NOVA2: variants seen among roughly 807,000 people sequenced by gnomAD.
NOVA2 encodes RNA-binding protein Nova-2.
In NOVA2, 9 loss-of-function variants were observed where a neutral mutation model predicts 22.5. The observed-to-expected ratio is 0.40, with a 90% confidence interval of 0.24 to 0.70. The LOEUF is 0.70. NOVA2 is among the 30% of genes least tolerant of loss of function. The pLI, the probability that NOVA2 is intolerant of heterozygous loss-of-function variation, is 0.38. For synonymous variants in NOVA2, 318 were observed against 335.2 expected (o/e 0.95, Z 0.56); for missense variants, 383 against 682.8 (o/e 0.56, Z 4.89).
At chr19:45,971,612 C>G (rs556134740) in intron 1 of NOVA2, among the ~76,000 whole-genome samples, 16 of 152,134 alleles carry the variant, frequency 1.1e-4, no homozygotes, top group Admixed American at 2.0e-4. Flanking sequence ...AGAAAGTCGG[C>G]TTGTATTCAT....
At chr19:45,965,159 G>A (rs1038985110) in intron 1 of NOVA2, among the ~76,000 whole-genome samples, 1 of 152,046 alleles carries the variant, frequency 6.6e-6, no homozygotes, top group African/African-American at 2.4e-5. Context: ...TCACAGATAA[G>A]GGGTCCTTTA....
intron 1 of NOVA2, among the ~76,000 whole-genome samples, chr19:45,966,044 T>C (rs1968163563): frequency 6.7e-6 from 1 of 150,164 alleles, no homozygotes; most frequent in Non-Finnish European, 1.5e-5. Flanking sequence ...GGGGTTGGGT[T>C]GAGAGGTAGG....
chr19:45,934,330 G>T lies in NOVA2; in HGVS notation c.*5533C>A. 1 of 152,352 alleles carries T rather than the reference G, an allele frequency of 6.6e-6. No individual in the cohort carries two copies. Among genetic ancestry groups the T allele is most frequent in the East Asian group, 1.9e-4 (1 of 5,178 alleles). 9.4% of individuals were successfully genotyped at this position (152,352 alleles called of 1,614,324 possible). On this transcript the variant is annotated 3_prime_UTR_variant, in exon 4 of 4. Coordinates refer to ENST00000263257, the MANE Select transcript of NOVA2 (RefSeq NM_002516.4). ...TCCAACAGAGAAAGGGGGAAGAGAGGTTCTAGCTCCTCTGACTCCACCATT... is the reference window on the plus strand; with the variant it reads ...TCCAACAGAGAAAGGGGGAAGAGAGTTTCTAGCTCCTCTGACTCCACCATT...
rs750236958 is a variant in NOVA2 at position 45,940,604 on chromosome 19, G to C, written c.738C>G (p.Ala246=). 3.5e-6 allele frequency: 5 copies of C among 1,420,928 alleles called. No individual in the cohort carries two copies. Among genetic ancestry groups the C allele is most frequent in the Non-Finnish European group, 3.6e-6 (4 of 1,100,122 alleles). 88.0% of individuals were successfully genotyped at this position (1,420,928 alleles called of 1,614,324 possible). A position where few individuals can be genotyped will look rare whatever the true frequency, so the allele number is the denominator to read the frequency against. The change falls in exon 4 of 4, where the codon GCC becomes GCG. Residue 246 remains alanine, a synonymous_variant. Coordinates refer to ENST00000263257, the MANE Select transcript of NOVA2 (RefSeq NM_002516.4). ...DVLPAAAAAS[A]AAASGLLGPA... is the part of the protein sequence containing the mutation. ...GGCCCAGCAGGCCGGAGGCGGCGGC[G>C]GCCGACGCTGCGGCCGCGGCTGGCA...
At chr19:45,958,996 T>C (rs1968055540) in intron 2 of NOVA2, among the ~76,000 whole-genome samples, 1 of 152,200 alleles carries the variant, frequency 6.6e-6, no homozygotes, top group African/African-American at 2.4e-5. Flanking sequence ...TCTGCTTCCC[T>C]GACTGGGATG....
At chr19:45,969,509 G>GA (rs397946088) in intron 1 of NOVA2, among the ~76,000 whole-genome samples, 14,363 of 40,634 alleles carry the variant, frequency 0.35, 4,489 homozygotes, top group Non-Finnish European at 0.45. Flanking sequence ...CCCTGTCTCA[G>GA]AAAAAAAAAA....
intron 3 of NOVA2, among the ~76,000 whole-genome samples, chr19:45,945,885 G>A (rs1967830337): frequency 6.9e-6 from 1 of 144,958 alleles, no homozygotes; most frequent in East Asian, 2.0e-4. Context: ...CCCAGGCTAT[G>A]GTGCAGTGGC....
intron 3 of NOVA2, among the ~76,000 whole-genome samples, chr19:45,947,875 C>T (rs746686783): frequency 7.9e-5 from 12 of 152,078 alleles, no homozygotes; most frequent in Non-Finnish European, 1.8e-4. Flanking sequence ...GCAGTCTGTG[C>T]ATACAAATCC....
chr19:45,941,058 G>A lies in NOVA2; in HGVS notation c.397-113C>T, dbSNP rs972421938. 19 of 994,896 alleles carry A rather than the reference G, an allele frequency of 1.9e-5. No homozygotes were observed. The African/African-American group carries it at 3.1e-4, about 16-fold the overall frequency. The allele number at this position is 994,896 out of a possible 1,614,324, so 61.6% of individuals were successfully genotyped here. A position where few individuals can be genotyped will look rare whatever the true frequency, so the allele number is the denominator to read the frequency against. Reference sequence around the variant, plus strand: ...TAATCCCAGCACTTTGGGGGGCTGAGGCAGGCAGATTACTTGAGGTCAGGA... The same window carrying A: ...TAATCCCAGCACTTTGGGGGGCTGAAGCAGGCAGATTACTTGAGGTCAGGA... On this transcript the variant is annotated intron_variant, in intron 3 of 3. Transcript: ENST00000263257.
chr19:45,966,881 T>TA (rs918380885), intron 1 of NOVA2, among the ~76,000 whole-genome samples: 36 of 151,454 alleles, frequency 2.4e-4, no homozygotes, highest in African/African-American at 1.5e-4. Flanking sequence ...CCGTCTCAAA[T>TA]AAAAAAAAAT....
chr19:45,941,122 TCTA>T (rs1967750876), intron 3 of NOVA2, among the ~76,000 whole-genome samples, 177 bp from the exon 4 acceptor site: 1 of 151,898 alleles, frequency 6.6e-6, no homozygotes, highest in African/African-American at 2.4e-5. Context: ...AAACTCCGTC[TCTA>T]GTAAAAATCC....
chr19:45,939,404 T>C lies in NOVA2; in HGVS notation c.*459A>G, dbSNP rs1967706459. ...TGTTGTGTTTTGGGAAGGCCCCTCATTCTGGGTGACCCAGAGGCTCCCTCC... is the reference window on the plus strand; with the variant it reads ...TGTTGTGTTTTGGGAAGGCCCCTCACTCTGGGTGACCCAGAGGCTCCCTCC... On this transcript the variant is annotated 3_prime_UTR_variant, in exon 4 of 4. Transcript: ENST00000263257. 7.1e-6 allele frequency: 1 copy of C among 140,102 alleles called. No homozygotes were observed. The highest frequency in any genetic ancestry group is 8.1e-5 in the Admixed American group (1 of 12,408). 8.7% of individuals were successfully genotyped at this position (140,102 alleles called of 1,614,324 possible). A position where few individuals can be genotyped will look rare whatever the true frequency, so the allele number is the denominator to read the frequency against.
chr19:45,960,208 G>GA (rs1467101995), intron 2 of NOVA2, among the ~76,000 whole-genome samples: 2 of 151,968 alleles, frequency 1.3e-5, no homozygotes, highest in Non-Finnish European at 2.9e-5. Flanking sequence ...GGGAGAGGCA[G>GA]AAAGAAATGT....
intron 1 of NOVA2, among the ~76,000 whole-genome samples, chr19:45,969,060 G>A (rs1968201747): frequency 6.6e-6 from 1 of 152,218 alleles, no homozygotes; most frequent in South Asian, 2.1e-4. Flanking sequence ...TTGGGAGGCT[G>A]AGGTACGAGA....
intron 2 of NOVA2, among the ~76,000 whole-genome samples, chr19:45,955,227 AAGAG>A (rs768800716): frequency 1.3e-5 from 2 of 152,110 alleles, no homozygotes; most frequent in African/African-American, 2.4e-5. Context: ...GTGAAAGTGA[AAGAG>A]AGACACACTT....
chr19:45,940,375 C>A lies in NOVA2; in HGVS notation c.967G>T (p.Ala323Ser). 7.1e-7 allele frequency: 1 copy of A among 1,403,746 alleles called. No homozygotes were observed. The highest frequency in any genetic ancestry group is 9.3e-7 in the Non-Finnish European group (1 of 1,071,066). The allele number at this position is 1,403,746 out of a possible 1,614,324, so 87.0% of individuals were successfully genotyped here. The change falls in exon 4 of 4, where the codon GCC (alanine) becomes TCC (serine). Residue 323 changes from alanine (A) to serine (S), a missense_variant. By Grantham distance (99) the Ala-to-Ser change is moderately conservative. Coordinates refer to ENST00000263257, the MANE Select transcript of NOVA2 (RefSeq NM_002516.4). ...GCGTAGGATGCCAGGAGGTTGGCGG[C>A]GGCGGCGGCTGCTGGGTTGGCCCCG... ...AAGANPAAAA[A>S]ANLLASYAGE...
chr19:45,956,138 C>G lies in NOVA2; in HGVS notation c.230-2192G>C, dbSNP rs543364926. Reference sequence around the variant, plus strand: ...GCCATGTTCCTCACTCTTACTACCCCCCCTTCCCCACCCCAGAACAATGGC... The same window carrying G: ...GCCATGTTCCTCACTCTTACTACCCGCCCTTCCCCACCCCAGAACAATGGC... On this transcript the variant is annotated intron_variant, in intron 2 of 3. Transcript: ENST00000263257. Among the ~76,000 whole-genome samples, 9 of 152,304 alleles carry G rather than the reference C, an allele frequency of 5.9e-5. No homozygotes were observed. The South Asian group carries it at 1.5e-3, about 25-fold the overall frequency.
chr19:45,942,103 T>C (rs961030837), intron 3 of NOVA2, among the ~76,000 whole-genome samples: 6 of 152,244 alleles, frequency 3.9e-5, no homozygotes, highest in African/African-American at 1.4e-4. Context: ...CTTGGGTTCC[T>C]GATCCATTGT....
chr19:45,939,952 C>A lies in NOVA2; in HGVS notation c.1390G>T (p.Ala464Ser). The change falls in exon 4 of 4, where the codon GCG (alanine) becomes TCG (serine). Residue 464 changes from alanine to serine, a missense_variant. Ala to Ser is a moderately conservative substitution (Grantham distance 99). This residue lies in a region of NOVA2 where 34 missense variants were observed against 104.7 expected (regional missense o/e 0.32). Coordinates refer to ENST00000263257, the MANE Select transcript of NOVA2 (RefSeq NM_002516.4). ...AGGTATTGAGCGGCTTGCGTGGCCGCGGGGCTGCCCGTGATGGTGACCCGC... is the reference window on the plus strand; with the variant it reads ...AGGTATTGAGCGGCTTGCGTGGCCGAGGGGCTGCCCGTGATGGTGACCCGC... ...NRRVTITGSPAATQAAQYLIS... is the reference protein window; with the variant it reads ...NRRVTITGSPSATQAAQYLIS... The A allele has an allele frequency of 6.2e-7, 1 of 1,613,898 alleles. No individual in the cohort carries two copies. The highest frequency in any genetic ancestry group is 8.5e-7 in the Non-Finnish European group (1 of 1,179,898).
Sources: allele counts gnomAD v4.1 joint callset (sites outside exome capture counted in the v4.1 genomes callset), GRCh38; gene constraint gnomAD v4.1.1; regional missense constraint gnomAD v4.1.1; transcripts MANE v1.5; gene names NCBI Gene and HGNC (gene_info 2026-07-23, HGNC 2026-07-21).